Variants in IQSEC3 observed in about 807,000 individuals in gnomAD.
IQSEC3 encodes the protein IQ motif and SEC7 domain-containing protein 3.
IQSEC3 carries 50 observed loss-of-function variants against 105.4 expected under a neutral mutation model. The ratio of observed to expected loss-of-function variants is 0.47; its 90% CI spans 0.38 to 0.60. The LOEUF is 0.60. Ranked by LOEUF, IQSEC3 falls within the 20% of genes least tolerant of loss-of-function variation. The pLI is 0.00. For synonymous variants in IQSEC3, 708 were observed against 746.0 expected (o/e 0.95, Z 0.83); for missense variants, 1,415 against 1,630.0 (o/e 0.87, Z 2.27).
At chr12:76,504 T>C (rs1358898301) in intron 1 of IQSEC3, among the ~76,000 whole-genome samples, 3 of 152,270 alleles carry the variant, frequency 2.0e-5, no homozygotes, top group East Asian at 3.8e-4. Flanking sequence ...TATCTCCCAA[T>C]GACCCCTGGC....
chr12:119,112 G>C (rs1865139865), intron 2 of IQSEC3, among the ~76,000 whole-genome samples: 2 of 152,186 alleles, frequency 1.3e-5, no homozygotes, highest in South Asian at 4.1e-4. Flanking sequence ...GAAAAGTTGG[G>C]TGTGGTTCTC....
chr12:125,500 T>C (rs1298969274), intron 2 of IQSEC3, 133 bp from the exon 3 acceptor site: 3 of 928,558 alleles, frequency 3.2e-6, no homozygotes, highest in Admixed American at 7.3e-5. Context: ...GAGGAGACTG[T>C]GAAAGACACC....
intron 11 of IQSEC3, chr12:166,873 T>C (rs1555098639): frequency 6.6e-6 from 1 of 151,956 alleles, no homozygotes; most frequent in Non-Finnish European, 1.5e-5. Context: ...GCAAGGTAGG[T>C]GCATTGACCC....
At position 157,150 on chromosome 12, in the gene IQSEC3, A is replaced by G. The variant is rs111525980; in HGVS notation, c.2276+3A>G. 28 of 1,566,198 alleles carry G rather than the reference A, an allele frequency of 1.8e-5. No homozygotes were observed. In the African/African-American group the frequency reaches 2.6e-4, roughly 14 times the overall value. On this transcript the variant is annotated splice_donor_region_variant and intron_variant, in intron 6 of 13. Transcript: ENST00000538872. ...GAGCGGCTCATTGAGGCCTTCAGGT[A>G]AGGCCGCTTCCCAGCTCCACTCCCC...
intron 2 of IQSEC3, among the ~76,000 whole-genome samples, chr12:106,259 A>G (rs1864646464): frequency 6.6e-6 from 1 of 152,254 alleles, no homozygotes; most frequent in Non-Finnish European, 1.5e-5. Context: ...GGTGCTTGTC[A>G]GTTGCAGCCT....
At chr12:118,226 G>T (rs1164530031) in intron 2 of IQSEC3, among the ~76,000 whole-genome samples, 1 of 152,156 alleles carries the variant, frequency 6.6e-6, no homozygotes, top group Non-Finnish European at 1.5e-5. Context: ...CTCGGGCTTC[G>T]AATCAGCATG....
intron 2 of IQSEC3, among the ~76,000 whole-genome samples, chr12:116,248 A>C (rs1489980085): frequency 6.6e-6 from 1 of 151,988 alleles, no homozygotes; most frequent in East Asian, 1.9e-4. Flanking sequence ...GAGCGTTCAA[A>C]CCCTAGTGGT....
Position 130,669 on chromosome 12 carries a change from C to T in IQSEC3, c.903+4757C>T, listed in dbSNP as rs575928771. Among the ~76,000 whole-genome samples the T allele has an allele frequency of 1.1e-4, 17 of 152,324 alleles. No homozygotes were observed. In the East Asian group the frequency reaches 3.1e-3, roughly 28 times the overall value. On this transcript the variant is annotated intron_variant, in intron 3 of 13. Transcript: ENST00000538872. ...CCATGCCTACCTGGCTGCCCACTCCCAGGCAGGCCTCAACGCCCTGCGTGT... is the reference window on the plus strand; with the variant it reads ...CCATGCCTACCTGGCTGCCCACTCCTAGGCAGGCCTCAACGCCCTGCGTGT...
rs1555098167 is a variant in IQSEC3 at position 165,715 on chromosome 12, G to T, written c.2810-14G>T. On this transcript the variant is annotated splice_polypyrimidine_tract_variant and intron_variant, in intron 10 of 13. Transcript: ENST00000538872. ...TGCTCACAGCCCACTGGGGGCCTGGGGTCTGCTTTCCAGATTACTCTCATG... is the reference window on the plus strand; with the variant it reads ...TGCTCACAGCCCACTGGGGGCCTGGTGTCTGCTTTCCAGATTACTCTCATG... 6.2e-7 allele frequency: 1 copy of T among 1,612,842 alleles called. No homozygotes were observed. The highest frequency in any genetic ancestry group is 1.1e-5 in the South Asian group (1 of 90,990).
At chr12:91,165 C>A (rs1346296308) in intron 1 of IQSEC3, among the ~76,000 whole-genome samples, 1 of 152,184 alleles carries the variant, frequency 6.6e-6, no homozygotes, top group Non-Finnish European at 1.5e-5. Context: ...CCGGCTTGGC[C>A]TCCTTTATTC....
At chr12:158,396 T>C (rs1555095193) in intron 7 of IQSEC3, among the ~76,000 whole-genome samples, 1 of 152,184 alleles carries the variant, frequency 6.6e-6, no homozygotes, top group East Asian at 1.9e-4. Flanking sequence ...TCTCTTTTTT[T>C]AACTGGCATA....
chr12:155,197 C>A (rs541463383), intron 5 of IQSEC3, among the ~76,000 whole-genome samples: 1 of 152,220 alleles, frequency 6.6e-6, no homozygotes, highest in Non-Finnish European at 1.5e-5. Context: ...ATCAGAGCAG[C>A]CTCTCGCCTG....
intron 4 of IQSEC3, chr12:140,679 C>T (rs1280504019): frequency 2.4e-5 from 4 of 164,652 alleles, no homozygotes; most frequent in African/African-American, 9.5e-5. Flanking sequence ...CCTCCCGGAC[C>T]TGTGAGGAAC....
At chr12:129,635 TC>T (rs1555084432) in intron 3 of IQSEC3, among the ~76,000 whole-genome samples, 1 of 152,106 alleles carries the variant, frequency 6.6e-6, no homozygotes, top group Non-Finnish European at 1.5e-5. Flanking sequence ...ATTTTGAAAT[TC>T]CTCCAAGCCC....
rs545559772 is a variant in IQSEC3 at position 145,502 on chromosome 12, G to A, written c.2153+4217G>A. Among the ~76,000 whole-genome samples, 149 of 152,228 alleles carry A rather than the reference G, an allele frequency of 9.8e-4. 1 individual carries two copies. Among genetic ancestry groups the A allele is most frequent in the African/African-American group, 3.3e-3 (137 of 41,524 alleles). On this transcript the variant is annotated intron_variant, in intron 5 of 13. Transcript: ENST00000538872. ...TCCACTCCCCGCCATCCCATTCCCC[G>A]CGCACAAGGAAACCTCCTCAAACAT...
chr12:101,492 G>A (rs1864420797), intron 2 of IQSEC3, among the ~76,000 whole-genome samples: 1 of 152,170 alleles, frequency 6.6e-6, no homozygotes, highest in Non-Finnish European at 1.5e-5. Context: ...AGGTGCTCCG[G>A]GGAGGGAGTG....
intron 1 of IQSEC3, among the ~76,000 whole-genome samples, chr12:94,685 C>A (rs79810297): frequency 0.025 from 3,751 of 152,332 alleles, 91 homozygotes; most frequent in Non-Finnish European, 0.032. Flanking sequence ...GTCTGGGGAC[C>A]TGGGAGGACC....
Position 164,339 on chromosome 12 carries a change from G to A in IQSEC3, c.2709+720G>A, listed in dbSNP as rs1054517532. On this transcript the variant is annotated intron_variant, in intron 9 of 13. Transcript: ENST00000538872. ...CAGTGAACCACATCAGCCTCCACAC[G>A]GCTCTCCCCACCCCCCTGAGAGCAG... is the stretch of plus-strand genomic sequence containing the variant. Among the ~76,000 whole-genome samples the A allele has an allele frequency of 3.3e-5, 5 of 151,962 alleles. No individual in the cohort carries two copies. The East Asian group carries it at 7.7e-4, about 23-fold the overall frequency.
intron 2 of IQSEC3, among the ~76,000 whole-genome samples, chr12:120,311 G>T (rs1163133332): frequency 3.3e-5 from 5 of 152,204 alleles, no homozygotes; most frequent in Non-Finnish European, 7.3e-5. Context: ...AAATCATAAA[G>T]CGGGATGGTG....
Sources: gnomAD v4.1 joint callset for allele counts (sites outside exome capture counted in the v4.1 genomes callset) on GRCh38, gnomAD v4.1.1 for gene constraint, MANE v1.5 for transcripts, NCBI Gene and HGNC (gene_info 2026-07-23, HGNC 2026-07-21) for gene names.